Variants in SOS2 observed in about 807,000 individuals in gnomAD.
SOS2 encodes the protein son of sevenless homolog 2.
In SOS2, 65 loss-of-function variants were observed where a neutral mutation model predicts 148.2. That is an observed-to-expected ratio of 0.44 (90% confidence interval 0.36 to 0.54). The LOEUF (loss-of-function observed/expected upper bound fraction) is 0.54, where lower values mean the gene tolerates loss of function less well. Among genes scored for constraint, SOS2 ranks in the 20% least tolerant of loss-of-function variants. The pLI is 0.00. For synonymous variants in SOS2, 539 were observed against 537.1 expected (o/e 1.00, Z -0.05); for missense variants, 1,341 against 1,590.2 (o/e 0.84, Z 2.67).
Position 50,231,406 on chromosome 14 carries a change from C to T in SOS2, c.-123G>A. On this transcript the variant is annotated 5_prime_UTR_variant, in exon 1 of 23. Coordinates refer to ENST00000216373, the MANE Select transcript of SOS2 (RefSeq NM_006939.4). ...CCGCCTCCCGCCCGGGCCGAGGCTA[C>T]GGCCGAGGCGGCTCGGAGGCGGCGC... The T allele has an allele frequency of 5.3e-6, 1 of 190,082 alleles. No individual in the cohort carries two copies. Among genetic ancestry groups the T allele is most frequent in the South Asian group, 1.7e-4 (1 of 5,816 alleles). 11.8% of individuals were successfully genotyped at this position (190,082 alleles called of 1,614,324 possible).
chr14:50,194,817 G>C (rs1886264985), intron 4 of SOS2, among the ~76,000 whole-genome samples: 1 of 150,074 alleles, frequency 6.7e-6, no homozygotes. Flanking sequence ...ATAATATGGA[G>C]TCTCGCTCTG....
chr14:50,148,409 CAAAAAA>C (rs3072684), intron 14 of SOS2, among the ~76,000 whole-genome samples: 2 of 118,294 alleles, frequency 1.7e-5, no homozygotes, highest in African/African-American at 3.4e-5. Flanking sequence ...GACACCATCT[CAAAAAA>C]AAAAAAAAAA....
At chr14:50,192,752 T>G (rs1886185693) in intron 4 of SOS2, among the ~76,000 whole-genome samples, 2 of 151,874 alleles carry the variant, frequency 1.3e-5, no homozygotes, top group African/African-American at 4.8e-5. Context: ...TAATCCCAGC[T>G]ACTCAGAAGG....
chr14:50,182,594 T>C lies in SOS2; in HGVS notation c.727A>G (p.Ile243Val), dbSNP rs1157906294. 1 of 1,601,972 alleles carries C rather than the reference T, an allele frequency of 6.2e-7. No individual in the cohort carries two copies. The highest frequency in any genetic ancestry group is 1.7e-5 in the Admixed American group (1 of 58,936). Residue 243 changes from isoleucine (I) to valine (V), a missense_variant, in exon 6 of 23, where the codon ATT (isoleucine) becomes GTT (valine). By Grantham distance (29) the Ile-to-Val change is conservative. This residue lies in a region of SOS2 where 574 missense variants were observed against 711.1 expected (regional missense o/e 0.81). Coordinates refer to ENST00000216373, the MANE Select transcript of SOS2 (RefSeq NM_006939.4). ...KLFKPSDIEK[I>V]FSNISDIHEL... is the part of the protein sequence containing the mutation. The stretch of plus-strand genomic sequence containing the variant: ...TGTATATCTGAAATGTTACTAAAAA[T>C]CTTTTCGATATCCTGAAAAAAGAGA...
intron 8 of SOS2, among the ~76,000 whole-genome samples, chr14:50,167,303 T>C (rs1885199526): frequency 1.3e-5 from 2 of 151,846 alleles, no homozygotes; most frequent in South Asian, 4.2e-4. Context: ...ATGAATATAC[T>C]CACACACACA....
At position 50,146,878 on chromosome 14, in the gene SOS2, A is replaced by G. The variant is rs886667107; in HGVS notation, c.2385-1282T>C. 3.3e-5 allele frequency among the ~76,000 whole-genome samples: 5 copies of G among 152,056 alleles called. 1 individual carries two copies. The South Asian group carries it at 6.2e-4, about 19-fold the overall frequency. ...TAAAAAGCATGTTGCAGAATGATACATAAGTATATGCAGTTTAAAAAAAGT... is the reference window on the plus strand; with the variant it reads ...TAAAAAGCATGTTGCAGAATGATACGTAAGTATATGCAGTTTAAAAAAAGT... On this transcript the variant is annotated intron_variant, in intron 14 of 22. Transcript: ENST00000216373.
At chr14:50,176,989 G>C (rs984266458) in intron 7 of SOS2, among the ~76,000 whole-genome samples, 20 of 151,918 alleles carry the variant, frequency 1.3e-4, no homozygotes, top group African/African-American at 4.4e-4. Context: ...CAGCCTGGGT[G>C]AAAGAGCGAG....
intron 8 of SOS2, among the ~76,000 whole-genome samples, chr14:50,173,710 C>T (rs10144019): frequency 0.15 from 22,844 of 152,118 alleles, 2,377 homozygotes; most frequent in Admixed American, 0.32. Flanking sequence ...CGTGAACCAC[C>T]GCGCCCGGCA....
intron 14 of SOS2, among the ~76,000 whole-genome samples, chr14:50,148,753 G>C (rs1884573422): frequency 6.6e-6 from 1 of 152,164 alleles, no homozygotes; most frequent in South Asian, 2.1e-4. Flanking sequence ...GTGCAAACTA[G>C]GCAAATTCTA....
At chr14:50,147,786 A>C (rs149984793) in intron 14 of SOS2, among the ~76,000 whole-genome samples, 1 of 152,330 alleles carries the variant, frequency 6.6e-6, no homozygotes, top group Admixed American at 6.5e-5. Context: ...ATTCAGACAG[A>C]AGAGCAGATT....
chr14:50,143,641 C>G (rs1279604729), intron 16 of SOS2, among the ~76,000 whole-genome samples: 1 of 152,044 alleles, frequency 6.6e-6, no homozygotes, highest in African/African-American at 2.4e-5. Context: ...GGGGTTTCAT[C>G]ATGTTAGCCA....
Position 50,159,837 on chromosome 14 carries a change from A to G in SOS2, c.1446T>C (p.Ser482=), listed in dbSNP as rs1468565433. ...NHGQTRLPGY[S]SAEYRLKEKF... ...TTTCTTTTAACCTGTATTCTGCACTACTGTAACCTGGAAGCCGAGTCTGGC... is the reference window on the plus strand; with the variant it reads ...TTTCTTTTAACCTGTATTCTGCACTGCTGTAACCTGGAAGCCGAGTCTGGC... The change falls in exon 10 of 23, where the codon AGT becomes AGC. Residue 482 remains serine, a synonymous_variant. Transcript: ENST00000216373. The G allele has an allele frequency of 4.3e-6, 7 of 1,614,138 alleles. No homozygotes were observed. The highest frequency in any genetic ancestry group is 3.3e-5 in the Admixed American group (2 of 60,006).
intron 1 of SOS2, among the ~76,000 whole-genome samples, chr14:50,230,322 G>A (rs1031564252): frequency 2.6e-5 from 4 of 152,172 alleles, no homozygotes; most frequent in African/African-American, 7.2e-5. Context: ...TAACGGCAAA[G>A]AAAGAAAGCC....
intron 4 of SOS2, among the ~76,000 whole-genome samples, chr14:50,192,310 C>CT (rs1646017802): frequency 6.6e-6 from 1 of 152,128 alleles, no homozygotes; most frequent in African/African-American, 2.4e-5. Flanking sequence ...AATCCCAGAA[C>CT]TTTAGAGGCC....
intron 8 of SOS2, among the ~76,000 whole-genome samples, chr14:50,173,382 G>A (rs1014130052): frequency 6.6e-6 from 1 of 151,886 alleles, no homozygotes; most frequent in Non-Finnish European, 1.5e-5. Context: ...TTTTTATGGA[G>A]TGCTACTACC....
chr14:50,205,660 G>A (rs116317386), intron 1 of SOS2, among the ~76,000 whole-genome samples: 1,686 of 152,174 alleles, frequency 0.011, 25 homozygotes, highest in African/African-American at 0.037. Context: ...GCATAGGCAC[G>A]GTGGCTAACA....
chr14:50,175,813 T>A (rs1473487763), intron 7 of SOS2, among the ~76,000 whole-genome samples: 2 of 152,162 alleles, frequency 1.3e-5, no homozygotes, highest in Non-Finnish European at 2.9e-5. Flanking sequence ...TGAGAAAGAA[T>A]CTGATATGCT....
intron 1 of SOS2, among the ~76,000 whole-genome samples, chr14:50,210,710 CAA>C (rs1274839803): frequency 3.3e-5 from 5 of 151,592 alleles, no homozygotes; most frequent in African/African-American, 7.3e-5. Context: ...ATAAAAATCC[CAA>C]GAGAAAAAAT....
intron 1 of SOS2, among the ~76,000 whole-genome samples, chr14:50,208,282 G>A (rs1353249605): frequency 1.3e-5 from 2 of 152,126 alleles, no homozygotes; most frequent in African/African-American, 4.8e-5. Context: ...CTGGGTGAGA[G>A]TGAGACTCTG....
Sources: gnomAD v4.1 joint callset for allele counts (sites outside exome capture counted in the v4.1 genomes callset) on GRCh38, gnomAD v4.1.1 for gene constraint, gnomAD v4.1.1 regional missense constraint, MANE v1.5 for transcripts, NCBI Gene and HGNC (gene_info 2026-07-23, HGNC 2026-07-21) for gene names.